ASPG: variants seen among roughly 807,000 people sequenced by gnomAD.
ASPG encodes asparaginase, also known as 60 kDa lysophospholipase.
ASPG carries 53 observed loss-of-function variants against 63.2 expected under a neutral mutation model. The ratio of observed to expected loss-of-function variants is 0.84; its 90% confidence interval spans 0.67 to 1.05. ASPG has a LOEUF of 1.05. Among genes scored for constraint, ASPG ranks in the 50% least tolerant of loss-of-function variants. ASPG has a pLI of 0.00. For missense variants in ASPG, 741 were observed against 794.4 expected (o/e 0.93, Z 0.81); for synonymous variants, 370 against 355.0 (o/e 1.04, Z -0.48).
At chr14:104,099,328 G>T (rs1043886122) in intron 6 of ASPG, among the ~76,000 whole-genome samples, 8 of 152,324 alleles carry the variant, frequency 5.3e-5, no homozygotes, top group African/African-American at 1.9e-4. Context: ...TCTGTGTGCC[G>T]TAGCCTCGTC....
intron 9 of ASPG, 114 bp downstream of exon 9, chr14:104,104,849 G>T: frequency 1.1e-6 from 1 of 902,876 alleles, no homozygotes; most frequent in Non-Finnish European, 1.6e-6. Context: ...TCCAGGGTGT[G>T]TCCTGTTTGG....
intron 4 of ASPG, 85 bp downstream of exon 4, chr14:104,095,741 ACC>A (rs2036569918): frequency 6.4e-7 from 1 of 1,553,440 alleles, no homozygotes; most frequent in Non-Finnish European, 8.8e-7. Flanking sequence ...CCGCTGCGGG[ACC>A]CCGGGCTTCC....
intron 4 of ASPG, 78 bp from the exon 5 acceptor site, chr14:104,097,476 T>C: frequency 7.1e-7 from 1 of 1,412,560 alleles, no homozygotes; most frequent in Non-Finnish European, 9.6e-7. Flanking sequence ...GGCCTGGGGG[T>C]TTACCTGGAG....
intron 1 of ASPG, among the ~76,000 whole-genome samples, chr14:104,088,420 G>T (rs1239373183): frequency 1.3e-5 from 2 of 152,116 alleles, no homozygotes. Context: ...ATCCAAACAC[G>T]GCTGATAACC....
rs2037444782 is a variant in ASPG, at chr14:104,115,163, A to G, written c.*2619A>G. 1 of 152,158 alleles carries G rather than the reference A, an allele frequency of 6.6e-6. No individual in the cohort carries two copies. The highest frequency in any genetic ancestry group is 1.5e-5 in the Non-Finnish European group (1 of 68,026). 9.4% of individuals were successfully genotyped at this position (152,158 alleles called of 1,614,324 possible). A position where few individuals can be genotyped will look rare whatever the true frequency, so the allele number is the denominator to read the frequency against. On this transcript the variant is annotated 3_prime_UTR_variant, in exon 16 of 16. Transcript: ENST00000551177. ...TTTCTATCCTAAAATCAGACTCCTC[A>G]GCTGAGGGCCCTCCAGGACCGCCCT...
Position 104,095,539 on chromosome 14 carries a change from C to T in ASPG, c.312C>T (p.Tyr104=), listed in dbSNP as rs779203917. The change falls in exon 4 of 16, where the codon TAC becomes TAT. Residue 104 remains tyrosine (Y), a synonymous_variant. Transcript: ENST00000551177. ...VCLAQTIKRH[Y]EQYHGFVVIH... is the part of the protein sequence containing the mutation. ...ATGCGCCCCTCCTGCAGAGGCACTA[C>T]GAGCAGTACCACGGCTTTGTGGTCA... is the stretch of plus-strand genomic sequence containing the variant. 34 of 1,612,998 alleles carry T rather than the reference C, an allele frequency of 2.1e-5. No homozygotes were observed. Among genetic ancestry groups the T allele is most frequent in the South Asian group, 2.1e-4 (19 of 91,090 alleles).
chr14:104,093,576 T>C lies in ASPG; in HGVS notation c.277T>C (p.Trp93Arg), dbSNP rs760441414. Reference protein sequence around the residue: ...FDSSDMTIAEWVCLAQTIKRH... With the variant: ...FDSSDMTIAERVCLAQTIKRH... ...CTCCAGTGACATGACCATCGCTGAG[T>C]GGGTTTGCCTTGCCCAGACCATCAA... Residue 93 changes from tryptophan (W) to arginine (R), a missense_variant, in exon 3 of 16, where the codon TGG (tryptophan) becomes CGG (arginine). Trp to Arg is a moderately radical substitution (Grantham distance 101, BLOSUM62 -3). Transcript: ENST00000551177. The C allele has an allele frequency of 3.7e-6, 6 of 1,608,222 alleles. No individual in the cohort carries two copies. The highest frequency in any genetic ancestry group is 1.7e-4 in the Middle Eastern group (1 of 6,054).
At chr14:104,111,440 C>T (rs1031293833) in intron 13 of ASPG, 62 bp from the exon 14 acceptor site, 32 of 1,395,652 alleles carry the variant, frequency 2.3e-5, no homozygotes, top group Non-Finnish European at 2.3e-5. Flanking sequence ...GGGACAGGCA[C>T]GTGGGCAGAT....
chr14:104,105,203 A>G, intron 9 of ASPG, 125 bp from the exon 10 acceptor site: 1 of 1,464,510 alleles, frequency 6.8e-7, no homozygotes, highest in Non-Finnish European at 9.4e-7. Flanking sequence ...GGGATGAAGC[A>G]CACACGGCCG....
rs929725193 is a variant in ASPG at position 104,088,908 on chromosome 14, T to G, written c.82+3056T>G. On this transcript the variant is annotated intron_variant, in intron 1 of 15. Transcript: ENST00000551177. ...CCAAGGAAGAGGTTCCAGGCAGGGC[T>G]GGAGGGTTCAGATTCTGCAGCCCTT... Among the ~76,000 whole-genome samples, 16 of 152,210 alleles carry G rather than the reference T, an allele frequency of 1.1e-4. 2 individuals carry two copies. Among genetic ancestry groups the G allele is most frequent in the Admixed American group, 7.9e-4 (12 of 15,286 alleles).
Position 104,110,573 on chromosome 14 carries a change from T to A in ASPG, c.1521-929T>A. The stretch of plus-strand genomic sequence containing the variant: ...GGCTAGGCCTTCCTAGGGGCCGGTG[T>A]GTGTGTGGGGCTTGGCCTCTTGGAG... On this transcript the variant is annotated intron_variant, in intron 13 of 15. Coordinates refer to ENST00000551177, the MANE Select transcript of ASPG (RefSeq NM_001080464.3). The surrounding 1 kb of genome is among the most constrained non-coding windows in gnomAD (Gnocchi z 4.7). 1 of 985,124 alleles carries A rather than the reference T, an allele frequency of 1.0e-6. No individual in the cohort carries two copies. Among genetic ancestry groups the A allele is most frequent in the Non-Finnish European group, 1.2e-6 (1 of 829,794 alleles). The allele number at this position is 985,124 out of a possible 1,614,324, so 61.0% of individuals were successfully genotyped here. A position where few individuals can be genotyped will look rare whatever the true frequency, so the allele number is the denominator to read the frequency against.
intron 5 of ASPG, among the ~76,000 whole-genome samples, chr14:104,098,280 A>G (rs2036717828): frequency 6.6e-6 from 1 of 152,224 alleles, no homozygotes; most frequent in Admixed American, 6.5e-5. Flanking sequence ...TGCAGCCAGC[A>G]GGGCTCTGAA....
intron 3 of ASPG, among the ~76,000 whole-genome samples, chr14:104,094,838 C>T (rs903353927): frequency 2.6e-5 from 4 of 152,230 alleles, no homozygotes; most frequent in African/African-American, 9.6e-5. Flanking sequence ...AGAGGGCGCC[C>T]TTCCCCTCCT....
intron 3 of ASPG, among the ~76,000 whole-genome samples, chr14:104,095,158 T>C (rs2036540395): frequency 6.6e-6 from 1 of 152,196 alleles, no homozygotes; most frequent in African/African-American, 2.4e-5. Context: ...CGTTGTGTTC[T>C]TGCCTGACCC....
intron 3 of ASPG, 94 bp from the exon 4 acceptor site, chr14:104,095,437 C>T (rs1450467065): frequency 2.6e-6 from 4 of 1,562,444 alleles, no homozygotes; most frequent in Non-Finnish European, 3.5e-6. Context: ...CCTGAGTCCT[C>T]CTCTCTGCAT....
intron 1 of ASPG, among the ~76,000 whole-genome samples, chr14:104,092,233 G>A (rs2036389519): frequency 6.6e-6 from 1 of 152,204 alleles, no homozygotes; most frequent in Non-Finnish European, 1.5e-5. Context: ...GACGAGGCAG[G>A]ACTTCCAGGC....
At chr14:104,094,563 T>A (rs1485867654) in intron 3 of ASPG, among the ~76,000 whole-genome samples, 1 of 151,916 alleles carries the variant, frequency 6.6e-6, no homozygotes, top group Non-Finnish European at 1.5e-5. Context: ...GTCCCAATTC[T>A]CACCTGCTTC....
At chr14:104,112,029 A>AC (rs1400008995) in intron 15 of ASPG, 29 bp downstream of exon 15, 3 of 1,540,064 alleles carry the variant, frequency 1.9e-6, no homozygotes, top group Non-Finnish European at 8.8e-7. Context: ...CGGGGCTGAC[A>AC]CCCCCCAGTG....
At chr14:104,105,066 C>T (rs1566837614) in intron 9 of ASPG, 2 of 601,174 alleles carry the variant, frequency 3.3e-6, no homozygotes, top group East Asian at 2.8e-5. Flanking sequence ...ACACAGCTGG[C>T]CCCAGACCCT....
Sources: allele counts gnomAD v4.1 joint callset (sites outside exome capture counted in the v4.1 genomes callset), GRCh38; gene constraint gnomAD v4.1.1; non-coding constraint Gnocchi (gnomAD v3.1); transcripts MANE v1.5; gene names NCBI Gene and HGNC (gene_info 2026-07-23, HGNC 2026-07-21).